HIC2: variants seen among roughly 807,000 people sequenced by gnomAD.
HIC2 encodes the protein HIC ZBTB transcriptional repressor 2, also known as hypermethylated in cancer 2 protein.
Under a neutral mutation model 39.5 loss-of-function variants are expected in HIC2, and 2 were observed. The ratio of observed to expected loss-of-function variants is 0.05; its 90% CI spans 0.02 to 0.16. HIC2 has a LOEUF of 0.16. Among genes scored for constraint, HIC2 ranks in the 10% least tolerant of loss-of-function variants. The pLI is 1.00. For missense variants in HIC2, 713 were observed against 863.5 expected, an observed-to-expected ratio of 0.83 and a Z score of 2.18; for synonymous variants, 399 against 368.8, an observed-to-expected ratio of 1.08 and a Z score of -0.94.
chr22:21,443,623 A>C (rs1923638599), intron 2 of HIC2, among the ~76,000 whole-genome samples: 1 of 152,160 alleles, frequency 6.6e-6, no homozygotes, highest in East Asian at 1.9e-4. Flanking sequence ...GTCAGCCATG[A>C]GGAAAGTTCA....
chr22:21,446,212 C>A lies in HIC2; in HGVS notation c.1317C>A (p.Asp439Glu), dbSNP rs1313258652. 6.2e-7 allele frequency: 1 copy of A among 1,612,302 alleles called. No homozygotes were observed. Among genetic ancestry groups the A allele is most frequent in the Non-Finnish European group, 8.5e-7 (1 of 1,180,010 alleles). ...GCTACGAGACGGTGTCCTACGGGGA[C>A]AACTTGTATGTGTGCATTCCCTGCG... ...QEGYETVSYG[D>E]NLYVCIPCAK... The change falls in exon 3 of 3, where the codon GAC becomes GAA. Residue 439 changes from aspartate to glutamate, a missense_variant. Physicochemically the swap from Asp to Glu is conservative, Grantham distance 45. This residue lies in a region of HIC2 where 457 missense variants were observed against 420.2 expected (regional missense o/e 1.09). Coordinates refer to ENST00000407464, the MANE Select transcript of HIC2 (RefSeq NM_015094.3).
At position 21,445,663 on chromosome 22, in the gene HIC2, GC is replaced by G; in HGVS notation, c.773del (p.Pro258LeufsTer16). ...ACCTGTCCAAGAAAAGCCCACCCTT[GC>G]CCCCTGCCACCCCAGGTCCCCACCT... ...LDLSKKSPPL[P>X]PATPGPHLTP... On this transcript the variant is annotated frameshift_variant, in exon 3 of 3. Transcript: ENST00000407464. LOFTEE classifies it high-confidence loss of function. 1 of 1,605,606 alleles carries G rather than the reference GC, an allele frequency of 6.2e-7. No homozygotes were observed. Among genetic ancestry groups the G allele is most frequent in the Non-Finnish European group, 8.5e-7 (1 of 1,176,670 alleles).
chr22:21,445,306 C>T lies in HIC2; in HGVS notation c.411C>T (p.Arg137=), dbSNP rs1236834918. 3 of 1,606,090 alleles carry T rather than the reference C, an allele frequency of 1.9e-6. No individual in the cohort carries two copies. The highest frequency in any genetic ancestry group is 2.5e-6 in the Non-Finnish European group (3 of 1,176,530). The change falls in exon 3 of 3, where the codon CGC becomes CGT. Residue 137 remains arginine, a synonymous_variant. Coordinates refer to ENST00000407464, the MANE Select transcript of HIC2 (RefSeq NM_015094.3). ...CCGAGTTGGCAGCCCTCTGCCGCCGCAAACTCAAGCGAGCCGGCAAGCCCT... is the reference window on the plus strand; with the variant it reads ...CCGAGTTGGCAGCCCTCTGCCGCCGTAAACTCAAGCGAGCCGGCAAGCCCT... ...QLPELAALCR[R]KLKRAGKPFG... is the part of the protein sequence containing the mutation.
Position 21,445,543 on chromosome 22 carries a change from G to A in HIC2, c.648G>A (p.Arg216=). 6.2e-7 allele frequency: 1 copy of A among 1,601,000 alleles called. No homozygotes were observed. The highest frequency in any genetic ancestry group is 8.5e-7 in the Non-Finnish European group (1 of 1,175,054). ...SNQDSVQGLG[R]AVCPAGGEAG... is the part of the protein sequence containing the mutation. Reference sequence around the variant, plus strand: ...AGGATAGCGTGCAAGGTCTGGGCCGGGCTGTCTGCCCAGCTGGCGGGGAGG... The same window carrying A: ...AGGATAGCGTGCAAGGTCTGGGCCGAGCTGTCTGCCCAGCTGGCGGGGAGG... Residue 216 remains arginine (R), a synonymous_variant, in exon 3 of 3, where the codon CGG becomes CGA. Coordinates refer to ENST00000407464, the MANE Select transcript of HIC2 (RefSeq NM_015094.3).
At position 21,446,611 on chromosome 22, in the gene HIC2, T is replaced by C. The variant is rs779313936; in HGVS notation, c.1716T>C (p.Arg572=). The C allele has an allele frequency of 6.2e-6, 10 of 1,613,600 alleles. No individual in the cohort carries two copies. The South Asian group carries it at 8.8e-5, about 14-fold the overall frequency. The part of the protein sequence containing the change: ...ACDECGMRFT[R]QYRLTEHMRV... ...ATGAGTGTGGCATGCGCTTCACCCG[T>C]CAGTACCGCCTCACGGAGCACATGC... Residue 572 remains arginine (R), a synonymous_variant, in exon 3 of 3, where the codon CGT becomes CGC. Transcript: ENST00000407464.
Position 21,446,038 on chromosome 22 carries a change from G to C in HIC2, c.1143G>C (p.Gly381=), listed in dbSNP as rs756566978. The change falls in exon 3 of 3, where the codon GGG becomes GGC. Residue 381 remains glycine (G), a synonymous_variant. Transcript: ENST00000407464. ...DRVPNGILAS[G]AGPSGPYGEP... ...TTCCCAATGGCATCCTGGCTAGTGG[G>C]GCTGGCCCTAGCGGGCCCTATGGGG... The C allele has an allele frequency of 6.3e-7, 1 of 1,598,834 alleles. No individual in the cohort carries two copies. The highest frequency in any genetic ancestry group is 8.5e-7 in the Non-Finnish European group (1 of 1,174,800).
In HIC2 at chr22:21,445,821, A is replaced by G; in HGVS notation, c.926A>G (p.Glu309Gly). 2 of 1,588,178 alleles carry G rather than the reference A, an allele frequency of 1.3e-6. No homozygotes were observed. Among genetic ancestry groups the G allele is most frequent in the Non-Finnish European group, 1.7e-6 (2 of 1,167,522 alleles). Residue 309 changes from glutamate (E) to glycine (G), a missense_variant, in exon 3 of 3, where the codon GAG becomes GGG. Glu to Gly is a moderately conservative substitution (Grantham distance 98). This residue lies in a region of HIC2 where 457 missense variants were observed against 420.2 expected (regional missense o/e 1.09). Transcript: ENST00000407464. ...GGTPDEPMDLEGAEDNHLSLL... is the reference protein window; with the variant it reads ...GGTPDEPMDLGGAEDNHLSLL... ...ACCCCTGATGAGCCCATGGATCTGG[A>G]GGGGGCCGAGGACAACCACCTGAGC... is the stretch of plus-strand genomic sequence containing the variant.
In HIC2 at chr22:21,445,578, G is replaced by A. The variant is rs746779472; in HGVS notation, c.683G>A (p.Gly228Glu). ...CCAGCTGGCGGGGAGGCGGGTCTGG[G>A]GGGCTGCAGCAGCAGCACCAACGGG... The part of the protein sequence containing the change: ...VCPAGGEAGL[G>E]GCSSSTNGSS... The change falls in exon 3 of 3, where the codon GGG becomes GAG. Residue 228 changes from glycine to glutamate, a missense_variant. By Grantham distance (98) the Gly-to-Glu change is moderately conservative. Transcript: ENST00000407464. The A allele has an allele frequency of 3.1e-6, 5 of 1,589,432 alleles. No individual in the cohort carries two copies. In the African/African-American group the frequency reaches 5.4e-5, roughly 17 times the overall value.
rs1298321266 is a variant in HIC2, at chr22:21,446,376, C to T, written c.1481C>T (p.Pro494Leu). The change falls in exon 3 of 3, where the codon CCC (proline) becomes CTC (leucine). Residue 494 changes from proline (P) to leucine (L), a missense_variant. Physicochemically the swap from Pro to Leu is moderately conservative, Grantham distance 98 (BLOSUM62 -3). Coordinates refer to ENST00000407464, the MANE Select transcript of HIC2 (RefSeq NM_015094.3). ...AEEEAEDLSA[P>L]SAAYTAEPRP... The stretch of plus-strand genomic sequence containing the variant: ...GAGGAGGCCGAGGACCTGTCAGCAC[C>T]CAGTGCGGCCTACACGGCTGAGCCC... The T allele has an allele frequency of 1.2e-6, 2 of 1,612,484 alleles. No homozygotes were observed. Among genetic ancestry groups the T allele is most frequent in the Non-Finnish European group, 1.7e-6 (2 of 1,180,022 alleles).
Position 21,450,547 on chromosome 22 carries a change from CAGGGCTCAGGGAGCA to C in HIC2, c.*3805_*3819del, listed in dbSNP as rs1269203477. On this transcript the variant is annotated 3_prime_UTR_variant, in exon 3 of 3. Coordinates refer to ENST00000407464, the MANE Select transcript of HIC2 (RefSeq NM_015094.3). ...GGGTGAGGCCTGGGCAGCCGGAGGG[CAGGGCTCAGGGAGCA>C]GGAGGCTGCATCCGTCCACCCCCAG... 1 of 152,846 alleles carries C rather than the reference CAGGGCTCAGGGAGCA, an allele frequency of 6.5e-6. No homozygotes were observed. Among genetic ancestry groups the C allele is most frequent in the African/African-American group, 2.4e-5 (1 of 41,456 alleles). 9.5% of individuals were successfully genotyped at this position (152,846 alleles called of 1,614,324 possible).
chr22:21,445,681 T>C lies in HIC2; in HGVS notation c.786T>C (p.Gly262=), dbSNP rs1923769080. 6.2e-7 allele frequency: 1 copy of C among 1,610,334 alleles called. No individual in the cohort carries two copies. Among genetic ancestry groups the C allele is most frequent in the Non-Finnish European group, 8.5e-7 (1 of 1,178,900 alleles). The part of the protein sequence containing the change: ...KSPPLPPATP[G]PHLTPDDAAQ... Reference sequence around the variant, plus strand: ...CACCCTTGCCCCCTGCCACCCCAGGTCCCCACCTCACTCCCGATGACGCAG... The same window carrying C: ...CACCCTTGCCCCCTGCCACCCCAGGCCCCCACCTCACTCCCGATGACGCAG... Residue 262 remains glycine (G), a synonymous_variant, in exon 3 of 3, where the codon GGT becomes GGC. Transcript: ENST00000407464.
Position 21,449,425 on chromosome 22 carries a change from GAAAAA to G in HIC2, c.*2687_*2691del, listed in dbSNP as rs747669846. 1 of 150,454 alleles carries G rather than the reference GAAAAA, an allele frequency of 6.6e-6. No homozygotes were observed. Among genetic ancestry groups the G allele is most frequent in the Non-Finnish European group, 1.5e-5 (1 of 67,402 alleles). 9.3% of individuals were successfully genotyped at this position (150,454 alleles called of 1,614,324 possible). On this transcript the variant is annotated 3_prime_UTR_variant, in exon 3 of 3. Coordinates refer to ENST00000407464, the MANE Select transcript of HIC2 (RefSeq NM_015094.3). Reference sequence around the variant, plus strand: ...AAAGAGAGGATAAACAAAGAAAAAAGAAAAAAAAATAAGCTCATACCCAAATTCAC... The same window carrying G: ...AAAGAGAGGATAAACAAAGAAAAAAGAAAATAAGCTCATACCCAAATTCAC...
chr22:21,446,347 C>G lies in HIC2; in HGVS notation c.1452C>G (p.Ala484=), dbSNP rs759072083. ...CCTACGAGACAGGCAGTGGGGGTGC[C>G]GAGGAGGAGGCCGAGGACCTGTCAG... ...EGAYETGSGG[A]EEEAEDLSAP... is the part of the protein sequence containing the mutation. Residue 484 remains alanine, a synonymous_variant, in exon 3 of 3, where the codon GCC becomes GCG. Transcript: ENST00000407464. 11 of 1,612,746 alleles carry G rather than the reference C, an allele frequency of 6.8e-6. No individual in the cohort carries two copies. Among genetic ancestry groups the G allele is most frequent in the South Asian group, 1.1e-5 (1 of 91,086 alleles).
chr22:21,450,418 A>C lies in HIC2; in HGVS notation c.*3675A>C, dbSNP rs1428839875. On this transcript the variant is annotated 3_prime_UTR_variant, in exon 3 of 3. Coordinates refer to ENST00000407464, the MANE Select transcript of HIC2 (RefSeq NM_015094.3). ...CACCGGGCCGCCCACCCACTCCCAA[A>C]ATCCGTCAGTATTCACTGGACCTCA... The C allele has an allele frequency of 2.0e-5, 3 of 152,782 alleles. No homozygotes were observed. Among genetic ancestry groups the C allele is most frequent in the East Asian group, 3.8e-4 (2 of 5,322 alleles). 9.5% of individuals were successfully genotyped at this position (152,782 alleles called of 1,614,324 possible).
At chr22:21,444,692 C>G (rs1053679038) in intron 2 of HIC2, among the ~76,000 whole-genome samples, 4 of 152,222 alleles carry the variant, frequency 2.6e-5, no homozygotes, top group African/African-American at 9.6e-5. Context: ...GCAAATGGGG[C>G]AGGGGCCTCT....
At chr22:21,418,175 C>G (rs1358204923) in intron 1 of HIC2, among the ~76,000 whole-genome samples, 1 of 119,934 alleles carries the variant, frequency 8.3e-6, no homozygotes, top group Non-Finnish European at 1.7e-5. Flanking sequence ...CCAGACCTCT[C>G]CTGTAGGCAG....
chr22:21,446,906 C>G lies in HIC2; in HGVS notation c.*163C>G, dbSNP rs1923876197. 1.0e-6 allele frequency: 1 copy of G among 983,330 alleles called. No homozygotes were observed. The highest frequency in any genetic ancestry group is 1.6e-5 in the African/African-American group (1 of 60,740). The allele number at this position is 983,330 out of a possible 1,614,324, so 60.9% of individuals were successfully genotyped here. A position where few individuals can be genotyped will look rare whatever the true frequency, so the allele number is the denominator to read the frequency against. ...CACACCCAGAGCTTTAATGGACAGTCCGTACCAAGCAGAGCCGAGAGGAGG... is the reference window on the plus strand; with the variant it reads ...CACACCCAGAGCTTTAATGGACAGTGCGTACCAAGCAGAGCCGAGAGGAGG... On this transcript the variant is annotated 3_prime_UTR_variant, in exon 3 of 3. Coordinates refer to ENST00000407464, the MANE Select transcript of HIC2 (RefSeq NM_015094.3).
At chr22:21,425,552 T>C (rs1601324064) in intron 1 of HIC2, among the ~76,000 whole-genome samples, 1 of 58,980 alleles carries the variant, frequency 1.7e-5, no homozygotes, top group African/African-American at 5.1e-5. Context: ...CTTTTTTTTT[T>C]TTTTTTTGAG....
intron 1 of HIC2, among the ~76,000 whole-genome samples, chr22:21,421,917 G>A (rs916332206): frequency 6.4e-5 from 2 of 31,366 alleles, no homozygotes; most frequent in African/African-American, 1.2e-4. Context: ...TGTGGCTGCT[G>A]TACAGACTTG....
Sources: allele counts gnomAD v4.1 joint callset (sites outside exome capture counted in the v4.1 genomes callset), GRCh38; gene constraint gnomAD v4.1.1; regional missense constraint gnomAD v4.1.1; transcripts MANE v1.5; gene names NCBI Gene and HGNC (gene_info 2026-07-23, HGNC 2026-07-21).